The following GLCE variants were observed in gnomAD, a reference collection of about 807,000 sequenced individuals.
GLCE encodes the protein glucuronic acid epimerase.
GLCE carries 19 observed loss-of-function variants against 47.9 expected under a neutral mutation model. That is an observed-to-expected ratio of 0.40 (90% CI 0.28 to 0.58). GLCE has a LOEUF of 0.58. Among genes scored for constraint, GLCE ranks in the 20% least tolerant of loss-of-function variants. The probability of loss-of-function intolerance (pLI) is 0.48; values close to 1 mark genes in which losing one functional copy is unlikely to be tolerated. For synonymous variants in GLCE, 245 were observed against 263.4 expected, an observed-to-expected ratio of 0.93 and a Z score of 0.68; for missense variants, 556 against 743.3, an observed-to-expected ratio of 0.75 and a Z score of 2.93.
chr15:69,181,660 T>C (rs138168628), intron 1 of GLCE, among the ~76,000 whole-genome samples: 189 of 152,152 alleles, frequency 1.2e-3, no homozygotes, highest in African/African-American at 4.4e-3. Context: ...GGTGGGGAAA[T>C]AGACTCATTG....
chr15:69,201,087 ACT>A (rs1290790489), intron 1 of GLCE, among the ~76,000 whole-genome samples: 1 of 151,682 alleles, frequency 6.6e-6, no homozygotes, highest in Non-Finnish European at 1.5e-5. Flanking sequence ...TTTGATTTAA[ACT>A]CTCTGATCCA....
At chr15:69,237,970 G>A (rs550324582) in intron 2 of GLCE, among the ~76,000 whole-genome samples, 1 of 152,246 alleles carries the variant, frequency 6.6e-6, no homozygotes, top group South Asian at 2.1e-4. Context: ...TTGCTTAGAA[G>A]CAAGCAGAGA....
chr15:69,249,441 T>G (rs912506822), intron 2 of GLCE, among the ~76,000 whole-genome samples: 1 of 152,212 alleles, frequency 6.6e-6, no homozygotes, highest in African/African-American at 2.4e-5. Flanking sequence ...TGAACAAATA[T>G]TGATCAAAAC....
intron 2 of GLCE, among the ~76,000 whole-genome samples, chr15:69,223,705 A>G (rs2052407750): frequency 1.3e-5 from 2 of 151,536 alleles, no homozygotes; most frequent in Admixed American, 6.6e-5. Flanking sequence ...CACAATGTAT[A>G]TACTCATCCA....
intron 2 of GLCE, among the ~76,000 whole-genome samples, chr15:69,240,283 CAAAAAAAAAAAAA>C (rs545688611): frequency 5.4e-5 from 1 of 18,422 alleles, no homozygotes; most frequent in Non-Finnish European, 8.5e-5. Context: ...GACTCCGTCT[CAAAAAAAAAAAAA>C]AAAAAAAAAA....
chr15:69,183,803 A>G (rs1247659041), intron 1 of GLCE, among the ~76,000 whole-genome samples: 1 of 152,232 alleles, frequency 6.6e-6, no homozygotes, highest in African/African-American at 2.4e-5. Context: ...TTAGGTCAGT[A>G]GGATCAAGAA....
chr15:69,172,140 A>G (rs1359824208), intron 1 of GLCE, among the ~76,000 whole-genome samples: 1 of 152,198 alleles, frequency 6.6e-6, no homozygotes, highest in Non-Finnish European at 1.5e-5. Context: ...AATTCAATTA[A>G]CCATTTTTTT....
At chr15:69,208,807 G>A (rs142297712) in intron 1 of GLCE, among the ~76,000 whole-genome samples, 80 of 152,044 alleles carry the variant, frequency 5.3e-4, no homozygotes, top group African/African-American at 1.5e-3. Context: ...TCAGCATTTC[G>A]TTGTTGTTAG....
chr15:69,195,070 C>G (rs926115597), intron 1 of GLCE, among the ~76,000 whole-genome samples: 1 of 152,062 alleles, frequency 6.6e-6, no homozygotes, highest in Non-Finnish European at 1.5e-5. Context: ...TTGAGAGTCA[C>G]TTTTTTCCAT....
chr15:69,257,633 CTG>C (rs1426497370), intron 3 of GLCE, among the ~76,000 whole-genome samples: 1 of 152,304 alleles, frequency 6.6e-6, no homozygotes, highest in East Asian at 1.9e-4. Flanking sequence ...ACATGAGGCA[CTG>C]TGCCTGGCCA....
chr15:69,271,594 G>A lies in GLCE; in HGVS notation c.*2350G>A, dbSNP rs2053167767. 6.6e-6 allele frequency: 1 copy of A among 152,516 alleles called. No homozygotes were observed. Among genetic ancestry groups the A allele is most frequent in the East Asian group, 1.9e-4 (1 of 5,196 alleles). The allele number at this position is 152,516 out of a possible 1,614,324, so 9.4% of individuals were successfully genotyped here. On this transcript the variant is annotated 3_prime_UTR_variant, in exon 5 of 5. Coordinates refer to ENST00000261858, the MANE Select transcript of GLCE (RefSeq NM_015554.3). ...TCTGAGCTTAGAGAGAATGGGGAGG[G>A]TATTTTTAAATTTTATTGTTTTATT...
At chr15:69,215,295 T>G (rs1310331985) in intron 2 of GLCE, among the ~76,000 whole-genome samples, 2 of 152,186 alleles carry the variant, frequency 1.3e-5, no homozygotes, top group African/African-American at 2.4e-5. Context: ...ATTAGCCTTT[T>G]CCAGAGTATC....
chr15:69,166,726 C>T (rs2051506835), intron 1 of GLCE, among the ~76,000 whole-genome samples: 1 of 151,998 alleles, frequency 6.6e-6, no homozygotes, highest in African/African-American at 2.4e-5. Context: ...TCAAGACCAG[C>T]CTGGCTAACA....
intron 1 of GLCE, among the ~76,000 whole-genome samples, chr15:69,189,149 T>C (rs2051876829): frequency 6.6e-6 from 1 of 152,180 alleles, no homozygotes; most frequent in South Asian, 2.1e-4. Context: ...TCATACAAAA[T>C]AGTTCCACTC....
chr15:69,260,344 CT>C (rs1006112515), intron 3 of GLCE, among the ~76,000 whole-genome samples: 2 of 149,206 alleles, frequency 1.3e-5, no homozygotes, highest in Non-Finnish European at 3.0e-5. Flanking sequence ...ACTGCAACCC[CT>C]GCCTCCTGGG....
chr15:69,232,728 A>G (rs1200284964), intron 2 of GLCE, among the ~76,000 whole-genome samples: 1 of 152,238 alleles, frequency 6.6e-6, no homozygotes, highest in Admixed American at 6.5e-5. Flanking sequence ...TTATATTCAC[A>G]TAATTTGTTT....
At chr15:69,191,108 G>T (rs1282992599) in intron 1 of GLCE, among the ~76,000 whole-genome samples, 2 of 152,034 alleles carry the variant, frequency 1.3e-5, no homozygotes, top group African/African-American at 2.4e-5. Flanking sequence ...GTAAAAATAA[G>T]AAATATCTTT....
rs1244877338 is a variant in GLCE, at chr15:69,270,734, T to G, written c.*1490T>G. On this transcript the variant is annotated 3_prime_UTR_variant, in exon 5 of 5. Coordinates refer to ENST00000261858, the MANE Select transcript of GLCE (RefSeq NM_015554.3). ...TAGAAACTGGAAAACATATATATGT[T>G]AGCATCAAAGGGGGCAGAAGCAAAG... is the stretch of plus-strand genomic sequence containing the variant. The G allele has an allele frequency of 6.6e-6, 1 of 152,116 alleles. No individual in the cohort carries two copies. The allele number at this position is 152,116 out of a possible 1,614,324, so 9.4% of individuals were successfully genotyped here.
At chr15:69,184,171 A>G (rs773746152) in intron 1 of GLCE, among the ~76,000 whole-genome samples, 18 of 152,196 alleles carry the variant, frequency 1.2e-4, no homozygotes, top group Non-Finnish European at 1.9e-4. Context: ...ATGAACATCA[A>G]TCCCAATATT....
Sources: gnomAD v4.1 joint callset for allele counts (sites outside exome capture counted in the v4.1 genomes callset) on GRCh38, gnomAD v4.1.1 for gene constraint, MANE v1.5 for transcripts, NCBI Gene and HGNC (gene_info 2026-07-23, HGNC 2026-07-21) for gene names.